The following NRXN1 variants were observed in gnomAD, a reference collection of about 807,000 sequenced individuals.
The protein encoded by NRXN1 is neurexin 1.
A neutral mutation model predicts 150.9 loss-of-function variants in NRXN1; 39 were observed. That is an observed-to-expected ratio of 0.26 (90% confidence interval 0.20 to 0.34). NRXN1 has a LOEUF of 0.34. NRXN1 is among the 10% of genes least tolerant of loss of function. The pLI is 1.00. For synonymous variants in NRXN1, 924 were observed against 757.0 expected, an observed-to-expected ratio of 1.22 and a Z score of -3.62; for missense variants, 1,815 against 1,949.9, an observed-to-expected ratio of 0.93 and a Z score of 1.30.
At chr2:50,707,252 G>A (rs1285611402) in intron 5 of NRXN1, among the ~76,000 whole-genome samples, 1 of 152,140 alleles carries the variant, frequency 6.6e-6, no homozygotes, top group Non-Finnish European at 1.5e-5. Flanking sequence ...TTTCACAGCT[G>A]TACAAAAGAC....
At chr2:50,643,749 C>T (rs1684398192) in intron 5 of NRXN1, among the ~76,000 whole-genome samples, 1 of 151,832 alleles carries the variant, frequency 6.6e-6, no homozygotes, top group African/African-American at 2.4e-5. Flanking sequence ...CTCTAAACAT[C>T]CCTTGTCTGT....
intron 5 of NRXN1, among the ~76,000 whole-genome samples, chr2:50,698,028 A>G (rs1693184148): frequency 6.6e-6 from 1 of 152,154 alleles, no homozygotes; most frequent in South Asian, 2.1e-4. Context: ...TACCAGTCTA[A>G]TTTTCTTCAT....
At chr2:50,391,771 G>A (rs2081725026) in intron 17 of NRXN1, among the ~76,000 whole-genome samples, 1 of 152,084 alleles carries the variant, frequency 6.6e-6, no homozygotes, top group Non-Finnish European at 1.5e-5. Flanking sequence ...GAATTAAAAT[G>A]GTCAGGCTGC....
chr2:49,961,513 A>C (rs886445667), intron 21 of NRXN1, among the ~76,000 whole-genome samples: 1 of 152,104 alleles, frequency 6.6e-6, no homozygotes, highest in Non-Finnish European at 1.5e-5. Context: ...TGTCAACTAG[A>C]TCTAAAAAGA....
chr2:50,325,408 A>G (rs900074357), intron 17 of NRXN1, among the ~76,000 whole-genome samples: 17 of 152,228 alleles, frequency 1.1e-4, no homozygotes, highest in Non-Finnish European at 2.2e-4. Flanking sequence ...GCTACAGGAC[A>G]GTTTTTCTAA....
chr2:50,357,764 G>A (rs2078922473), intron 17 of NRXN1, among the ~76,000 whole-genome samples: 1 of 152,160 alleles, frequency 6.6e-6, no homozygotes, highest in Non-Finnish European at 1.5e-5. Context: ...TGCTTCAGAA[G>A]TAGCAAACAC....
intron 17 of NRXN1, among the ~76,000 whole-genome samples, chr2:50,264,013 C>T (rs1007836313): frequency 1.3e-5 from 2 of 152,028 alleles, no homozygotes; most frequent in African/African-American, 4.8e-5. Flanking sequence ...ATTTAATGAA[C>T]CTAGTCTGTT....
chr2:50,811,806 T>C (rs937450633), intron 5 of NRXN1, among the ~76,000 whole-genome samples: 2 of 152,208 alleles, frequency 1.3e-5, no homozygotes, highest in South Asian at 4.1e-4. Flanking sequence ...AAGATGATCA[T>C]GTCTAATGAA....
At chr2:50,481,174 C>T (rs142945115) in intron 15 of NRXN1, among the ~76,000 whole-genome samples, 5 of 152,212 alleles carry the variant, frequency 3.3e-5, no homozygotes, top group South Asian at 2.1e-4. Context: ...CAGACTGACA[C>T]GCACATGTAC....
chr2:50,147,543 C>T (rs758212444), intron 18 of NRXN1, among the ~76,000 whole-genome samples: 15 of 151,628 alleles, frequency 9.9e-5, no homozygotes, highest in Non-Finnish European at 8.9e-5. Context: ...TCTCTGCAGA[C>T]GAGGTGATTC....
intron 17 of NRXN1, among the ~76,000 whole-genome samples, chr2:50,418,231 A>C (rs1200337237): frequency 6.6e-6 from 1 of 152,008 alleles, no homozygotes; most frequent in Non-Finnish European, 1.5e-5. Flanking sequence ...TATATCTCTA[A>C]AGCAAGCAGG....
intron 17 of NRXN1, among the ~76,000 whole-genome samples, chr2:50,331,753 T>C (rs558473505): frequency 6.6e-6 from 1 of 152,158 alleles, no homozygotes; most frequent in Non-Finnish European, 1.5e-5. Context: ...AAACCATCAC[T>C]GCTAAGAATT....
chr2:50,742,547 G>T (rs924476950), intron 5 of NRXN1, among the ~76,000 whole-genome samples: 4 of 149,472 alleles, frequency 2.7e-5, no homozygotes, highest in African/African-American at 7.4e-5. Context: ...GGCGGAGGTT[G>T]CAGTGAGCCA....
intron 17 of NRXN1, among the ~76,000 whole-genome samples, chr2:50,350,860 GC>G (rs1170686787): frequency 2.0e-5 from 3 of 152,126 alleles, no homozygotes; most frequent in Non-Finnish European, 4.4e-5. Flanking sequence ...ATTTATGGCT[GC>G]CTCAAAAGAA....
rs1671091972 is a variant in NRXN1 at position 50,829,570 on chromosome 2, G to A, written c.832+92299C>T. ...TTAGGAGGGGTTTTCTTAAACTGAAGGTCCATGTAGCCATCGTCTGTGCTG... is the reference window on the plus strand; with the variant it reads ...TTAGGAGGGGTTTTCTTAAACTGAAAGTCCATGTAGCCATCGTCTGTGCTG... On this transcript the variant is annotated intron_variant, in intron 5 of 22. Transcript: ENST00000401669. 5 of 1,612,002 alleles carry A rather than the reference G, an allele frequency of 3.1e-6. No individual in the cohort carries two copies. In the South Asian group the frequency reaches 4.4e-5, roughly 14 times the overall value.
At chr2:50,124,181 A>C (rs1236116771) in intron 18 of NRXN1, among the ~76,000 whole-genome samples, 1 of 152,114 alleles carries the variant, frequency 6.6e-6, no homozygotes, top group Non-Finnish European at 1.5e-5. Flanking sequence ...TGAGGAGGGA[A>C]TGATCAACGA....
chr2:50,315,598 C>G (rs1188504058), intron 17 of NRXN1, among the ~76,000 whole-genome samples: 2 of 152,082 alleles, frequency 1.3e-5, no homozygotes, highest in Non-Finnish European at 1.5e-5. Flanking sequence ...CAGTCAGTGC[C>G]CATCTCACAA....
At chr2:50,141,163 G>C (rs1238146295) in intron 18 of NRXN1, among the ~76,000 whole-genome samples, 1 of 152,010 alleles carries the variant, frequency 6.6e-6, no homozygotes, top group African/African-American at 2.4e-5. Context: ...ACAGATAAGA[G>C]AGTGATTAGC....
At chr2:50,174,307 AT>A (rs2060218390) in intron 18 of NRXN1, among the ~76,000 whole-genome samples, 1 of 152,114 alleles carries the variant, frequency 6.6e-6, no homozygotes, top group Admixed American at 6.6e-5. Context: ...TGGTCCAGTT[AT>A]TTCACCTTTT....
Sources: gnomAD v4.1 joint callset for allele counts (sites outside exome capture counted in the v4.1 genomes callset) on GRCh38, gnomAD v4.1.1 for gene constraint, MANE v1.5 for transcripts, NCBI Gene and HGNC (gene_info 2026-07-23, HGNC 2026-07-21) for gene names.